SLC31A1: variants seen among roughly 807,000 people sequenced by gnomAD.
The protein encoded by SLC31A1 is high affinity copper uptake protein 1.
In SLC31A1, 5 loss-of-function variants were observed where a neutral mutation model predicts 17.2. The ratio of observed to expected loss-of-function variants is 0.29; its 90% CI spans 0.15 to 0.61. The LOEUF (loss-of-function observed/expected upper bound fraction) is 0.61. Ranked by LOEUF, SLC31A1 falls within the 20% of genes least tolerant of loss-of-function variation. The pLI is 0.86. For synonymous variants in SLC31A1, 76 were observed against 78.8 expected, an observed-to-expected ratio of 0.96 and a Z score of 0.19; for missense variants, 161 against 241.4, an observed-to-expected ratio of 0.67 and a Z score of 2.21.
In SLC31A1 at chr9:113,260,365, C is replaced by T; in HGVS notation, c.465C>T (p.Thr155=). The change falls in exon 5 of 5, where the codon ACC becomes ACT. Residue 155 remains threonine (T), a synonymous_variant. Transcript: ENST00000374212. ...ISYFLMLIFM[T]YNGYLCIAVA... The stretch of plus-strand genomic sequence containing the variant: ...ACTTCCTCATGCTCATCTTCATGAC[C>T]TACAACGGGTACCTCTGCATTGCAG... 6.2e-7 allele frequency: 1 copy of T among 1,614,156 alleles called. No homozygotes were observed. The highest frequency in any genetic ancestry group is 8.5e-7 in the Non-Finnish European group (1 of 1,180,000).
chr9:113,228,708 C>T (rs1359429137), intron 1 of SLC31A1, among the ~76,000 whole-genome samples: 1 of 152,126 alleles, frequency 6.6e-6, no homozygotes, highest in Non-Finnish European at 1.5e-5. Flanking sequence ...CTGGAGAAAG[C>T]GGTTAGTCTA....
At position 113,261,412 on chromosome 9, in the gene SLC31A1, T is replaced by G. The variant is rs1831792154; in HGVS notation, c.*939T>G. 6.5e-6 allele frequency: 1 copy of G among 152,672 alleles called. No individual in the cohort carries two copies. The highest frequency in any genetic ancestry group is 2.4e-5 in the African/African-American group (1 of 41,468). The allele number at this position is 152,672 out of a possible 1,614,324, so 9.5% of individuals were successfully genotyped here. On this transcript the variant is annotated 3_prime_UTR_variant, in exon 5 of 5. Transcript: ENST00000374212. ...ATACAGGCTTAGAACTTGCAGAGTG[T>G]GTATTCTTGGATGGCTGATGCATCG...
chr9:113,253,210 C>G (rs1374787295), intron 1 of SLC31A1, among the ~76,000 whole-genome samples: 1 of 152,130 alleles, frequency 6.6e-6, no homozygotes, highest in Non-Finnish European at 1.5e-5. Context: ...CTGCCTCGGC[C>G]TCCCAAAGTG....
intron 1 of SLC31A1, among the ~76,000 whole-genome samples, chr9:113,247,056 G>GT (rs1220902701): frequency 6.6e-6 from 1 of 152,148 alleles, no homozygotes; most frequent in Non-Finnish European, 1.5e-5. Flanking sequence ...AGTTAAACTG[G>GT]TTGCTTGATC....
chr9:113,234,471 C>T (rs1321050796), intron 1 of SLC31A1, among the ~76,000 whole-genome samples: 1 of 146,464 alleles, frequency 6.8e-6, no homozygotes, highest in East Asian at 2.0e-4. Flanking sequence ...ACCACCGCTC[C>T]TGGCCATCAT....
intron 1 of SLC31A1, among the ~76,000 whole-genome samples, chr9:113,247,451 A>G (rs1831593840): frequency 6.6e-6 from 1 of 152,182 alleles, no homozygotes; most frequent in African/African-American, 2.4e-5. Context: ...ATGGATTATT[A>G]TATCTTATTC....
At position 113,257,164 on chromosome 9, in the gene SLC31A1, TTGG is replaced by T; in HGVS notation, c.184_186del (p.Val62del). On this transcript the variant is annotated inframe_deletion, in exon 3 of 5. Coordinates refer to ENST00000374212, the MANE Select transcript of SLC31A1 (RefSeq NM_001859.4). ...GAATGTGGAACTACTGTTTTCCGGT[TTGG>T]TGATCAATACAGCTGGAGGTGAGTA... is the stretch of plus-strand genomic sequence containing the variant. 1 of 1,613,924 alleles carries T rather than the reference TTGG, an allele frequency of 6.2e-7. No individual in the cohort carries two copies. Among genetic ancestry groups the T allele is most frequent in the South Asian group, 1.1e-5 (1 of 91,088 alleles).
At chr9:113,233,621 C>T (rs10981699) in intron 1 of SLC31A1, among the ~76,000 whole-genome samples, 13,666 of 152,190 alleles carry the variant, frequency 0.09, 837 homozygotes, top group East Asian at 0.24. Context: ...ATCCCAAAGA[C>T]GAGTGATTTG....
intron 1 of SLC31A1, among the ~76,000 whole-genome samples, chr9:113,251,427 A>T (rs974886545): frequency 6.0e-5 from 8 of 133,692 alleles, no homozygotes; most frequent in South Asian, 2.3e-4. Flanking sequence ...ATCTAAAAAA[A>T]TAAAAAATAA....
intron 1 of SLC31A1, among the ~76,000 whole-genome samples, chr9:113,255,157 G>C (rs1564218433): frequency 6.6e-6 from 1 of 152,196 alleles, no homozygotes; most frequent in African/African-American, 2.4e-5. Context: ...ATTTAAATTA[G>C]CTGAAGGCTG....
At chr9:113,257,748 A>G (rs1831744643) in intron 3 of SLC31A1, among the ~76,000 whole-genome samples, 1 of 152,094 alleles carries the variant, frequency 6.6e-6, no homozygotes, top group Non-Finnish European at 1.5e-5. Flanking sequence ...TCAGCCTCCC[A>G]AAGTGCTGGG....
chr9:113,239,096 A>G (rs1384383421), intron 1 of SLC31A1, among the ~76,000 whole-genome samples: 1 of 152,162 alleles, frequency 6.6e-6, no homozygotes, highest in Non-Finnish European at 1.5e-5. Context: ...CTAAAAACCC[A>G]TGGGACTTTT....
chr9:113,236,759 GA>G (rs1257123724), intron 1 of SLC31A1, among the ~76,000 whole-genome samples: 1 of 152,200 alleles, frequency 6.6e-6, no homozygotes, highest in Non-Finnish European at 1.5e-5. Context: ...GCTATGACCA[GA>G]AAGGCTAAAT....
rs1831828845 is a variant in SLC31A1, at chr9:113,264,184, C to T, written c.*3711C>T. The T allele has an allele frequency of 2.0e-5, 3 of 152,150 alleles. No homozygotes were observed. The highest frequency in any genetic ancestry group is 2.1e-4 in the South Asian group (1 of 4,826). 9.4% of individuals were successfully genotyped at this position (152,150 alleles called of 1,614,324 possible). A position where few individuals can be genotyped will look rare whatever the true frequency, so the allele number is the denominator to read the frequency against. ...CAAAAATTAGCTGGGCGTGGTGGTG[C>T]ATGCCTGTAATCCCAGCTACTCGGG... is the stretch of plus-strand genomic sequence containing the variant. On this transcript the variant is annotated 3_prime_UTR_variant, in exon 5 of 5. Coordinates refer to ENST00000374212, the MANE Select transcript of SLC31A1 (RefSeq NM_001859.4).
At position 113,256,221 on chromosome 9, in the gene SLC31A1, C is replaced by G. The variant is rs2233915; in HGVS notation, c.73C>G (p.Pro25Ala). Residue 25 changes from proline (P) to alanine (A), a missense_variant, in exon 2 of 5, where the codon CCA (proline) becomes GCA (alanine). Coordinates refer to ENST00000374212, the MANE Select transcript of SLC31A1 (RefSeq NM_001859.4). ...NSTMQPSHHHPTTSASHSHGG... is the reference protein window; with the variant it reads ...NSTMQPSHHHATTSASHSHGG... ...TACCATGCAACCTTCTCACCATCACCCAACCACTTCAGCCTCACACTCCCA... is the reference window on the plus strand; with the variant it reads ...TACCATGCAACCTTCTCACCATCACGCAACCACTTCAGCCTCACACTCCCA... 4.1e-3 allele frequency: 6,635 copies of G among 1,613,598 alleles called. 248 individuals are homozygous for G. In the African/African-American group the frequency reaches 0.078, roughly 19 times the overall value.
At chr9:113,232,598 A>T (rs1330583582) in intron 1 of SLC31A1, among the ~76,000 whole-genome samples, 1 of 151,658 alleles carries the variant, frequency 6.6e-6, no homozygotes. Context: ...TTGGGAGGCT[A>T]AGGCGTGTGG....
intron 1 of SLC31A1, among the ~76,000 whole-genome samples, chr9:113,243,258 G>A (rs546993780): frequency 3.3e-5 from 5 of 152,230 alleles, no homozygotes; most frequent in South Asian, 2.1e-4. Flanking sequence ...TGTTGTTTAT[G>A]TAGTAATTAC....
At chr9:113,226,822 A>G (rs745909410) in intron 1 of SLC31A1, among the ~76,000 whole-genome samples, 2 of 152,210 alleles carry the variant, frequency 1.3e-5, no homozygotes, top group African/African-American at 4.8e-5. Flanking sequence ...ATGAGTGTTT[A>G]TATAATTTTG....
intron 1 of SLC31A1, among the ~76,000 whole-genome samples, chr9:113,229,164 A>G (rs954037609): frequency 2.6e-5 from 4 of 152,218 alleles, no homozygotes; most frequent in African/African-American, 7.2e-5. Flanking sequence ...AATTTTTTAA[A>G]TAGGAAATAT....
Sources: gnomAD v4.1 joint callset for allele counts (sites outside exome capture counted in the v4.1 genomes callset) on GRCh38, gnomAD v4.1.1 for gene constraint, MANE v1.5 for transcripts, NCBI Gene and HGNC (gene_info 2026-07-23, HGNC 2026-07-21) for gene names.